C8B: variants seen among roughly 807,000 people sequenced by gnomAD.
C8B encodes the protein complement component C8 beta chain.
Under a neutral mutation model 64.6 loss-of-function variants are expected in C8B, and 67 were observed. That is an observed-to-expected ratio of 1.04 (90% confidence interval 0.85 to 1.27). The LOEUF is 1.27. Among genes scored for constraint, C8B ranks in the 50% most tolerant of loss-of-function variants. The pLI is 0.00. For synonymous variants in C8B, 284 were observed against 257.7 expected (o/e 1.10, Z -0.98); for missense variants, 790 against 725.2 (o/e 1.09, Z -1.03).
intron 1 of C8B, among the ~76,000 whole-genome samples, chr1:56,965,398 A>AGAGAGGGTGTGTGT (rs1553120321): frequency 7.0e-6 from 1 of 142,578 alleles, no homozygotes; most frequent in Non-Finnish European, 1.5e-5. Flanking sequence ...AGAGAGAGAG[A>AGAGAGGGTGTGTGT]GTGTGTGTGT....
chr1:56,933,463 G>C lies in C8B; in HGVS notation c.1424C>G (p.Thr475Arg), dbSNP rs770783602. ...VKVEPLYELV[T>R]ATDFAYSSTV... ...GCTGGAATAGGCAAAATCTGTGGCT[G>C]TCACTAGTTCATACAGAGGCTCCAC... Residue 475 changes from threonine to arginine, a missense_variant, in exon 10 of 12, where the codon ACA becomes AGA. Transcript: ENST00000371237. 2 of 1,613,878 alleles carry C rather than the reference G, an allele frequency of 1.2e-6. No homozygotes were observed. Among genetic ancestry groups the C allele is most frequent in the South Asian group, 1.1e-5 (1 of 91,082 alleles).
Position 56,931,848 on chromosome 1 carries a change from C to A in C8B, c.1583G>T (p.Gly528Val), listed in dbSNP as rs767092769. 6.2e-7 allele frequency: 1 copy of A among 1,612,498 alleles called. No homozygotes were observed. The highest frequency in any genetic ancestry group is 8.5e-7 in the Non-Finnish European group (1 of 1,179,228). Reference sequence around the variant, plus strand: ...GACCTCACAGGCTAGGCCTTGGGATCCAACAGGACAGATGCAGTCACAGCG... The same window carrying A: ...GACCTCACAGGCTAGGCCTTGGGATACAACAGGACAGATGCAGTCACAGCG... ...GSRCDCICPV[G>V]SQGLACEVSY... Residue 528 changes from glycine (G) to valine (V), a missense_variant, in exon 11 of 12, where the codon GGA becomes GTA. By Grantham distance (109) the Gly-to-Val change is moderately radical. Coordinates refer to ENST00000371237, the MANE Select transcript of C8B (RefSeq NM_000066.4).
chr1:56,931,449 T>C (rs1405529769), intron 11 of C8B: 5 of 333,146 alleles, frequency 1.5e-5, no homozygotes, highest in African/African-American at 8.6e-5. Flanking sequence ...TCTTTGGGGA[T>C]TAGAGGAATT....
intron 3 of C8B, among the ~76,000 whole-genome samples, chr1:56,955,181 A>C (rs113496291): frequency 1.4e-3 from 216 of 152,322 alleles, no homozygotes; most frequent in African/African-American, 4.8e-3. Context: ...ACTCACCTGT[A>C]AAATAGGAAA....
At chr1:56,946,608 C>T (rs773784191) in intron 6 of C8B, among the ~76,000 whole-genome samples, 3 of 152,314 alleles carry the variant, frequency 2.0e-5, no homozygotes, top group Middle Eastern at 3.4e-3. Flanking sequence ...TGGTGTCACA[C>T]TCCAATGGCA....
chr1:56,953,525 G>T (rs1645056571), intron 4 of C8B, among the ~76,000 whole-genome samples: 1 of 152,158 alleles, frequency 6.6e-6, no homozygotes, highest in South Asian at 2.1e-4. Context: ...TCCCTGCCGG[G>T]AACAATGGGT....
chr1:56,955,910 A>T (rs1168666027), intron 3 of C8B, among the ~76,000 whole-genome samples: 1 of 152,198 alleles, frequency 6.6e-6, no homozygotes, highest in Non-Finnish European at 1.5e-5. Context: ...GAAATAGAGA[A>T]CCATCTGTTT....
intron 6 of C8B, among the ~76,000 whole-genome samples, chr1:56,947,661 G>A (rs1644960786): frequency 6.6e-6 from 1 of 152,156 alleles, no homozygotes; most frequent in Admixed American, 6.5e-5. Context: ...GCCGGGAGTG[G>A]TGGCTCACAC....
At position 56,952,124 on chromosome 1, in the gene C8B, G is replaced by T. The variant is rs1201663142; in HGVS notation, c.590C>A (p.Ala197Glu). 1.2e-6 allele frequency: 2 copies of T among 1,614,138 alleles called. No individual in the cohort carries two copies. Among genetic ancestry groups the T allele is most frequent in the South Asian group, 2.2e-5 (2 of 91,078 alleles). The change falls in exon 5 of 12, where the codon GCA becomes GAA. Residue 197 changes from alanine (A) to glutamate (E), a missense_variant. By Grantham distance (107) the Ala-to-Glu change is moderately radical. Coordinates refer to ENST00000371237, the MANE Select transcript of C8B (RefSeq NM_000066.4). Reference sequence around the variant, plus strand: ...GATGTAATGCGGGGAGCATCCACCTGCATAATACCTGTGATCAAGAACTGG... The same window carrying T: ...GATGTAATGCGGGGAGCATCCACCTTCATAATACCTGTGATCAAGAACTGG... The part of the protein sequence containing the change: ...EGPVLDHRYY[A>E]GGCSPHYILN...
intron 1 of C8B, among the ~76,000 whole-genome samples, chr1:56,961,277 T>C (rs12092641): frequency 0.053 from 8,122 of 152,266 alleles, 196 homozygotes; most frequent in Middle Eastern, 0.071. Context: ...CAAAAAGAGA[T>C]GGGAAGACAA....
intron 11 of C8B, among the ~76,000 whole-genome samples, chr1:56,930,537 T>A (rs1432869880): frequency 4.6e-5 from 7 of 152,074 alleles, no homozygotes; most frequent in Non-Finnish European, 5.9e-5. Flanking sequence ...ATGGTTGAGG[T>A]GCAAGATGAG....
rs562696863 is a variant in C8B at position 56,952,211 on chromosome 1, G to C, written c.534-31C>G. Reference sequence around the variant, plus strand: ...AGGAAGAGACAGAGATGGCGAAGAGGTTAAAGTTTGCGGTTGCTTAATCTT... The same window carrying C: ...AGGAAGAGACAGAGATGGCGAAGAGCTTAAAGTTTGCGGTTGCTTAATCTT... On this transcript the variant is annotated intron_variant, in intron 4 of 11. Transcript: ENST00000371237. 5 of 1,613,314 alleles carry C rather than the reference G, an allele frequency of 3.1e-6. No homozygotes were observed. The African/African-American group carries it at 6.7e-5, about 21-fold the overall frequency.
At chr1:56,934,811 G>T (rs1052587578) in intron 9 of C8B, among the ~76,000 whole-genome samples, 1 of 152,128 alleles carries the variant, frequency 6.6e-6, no homozygotes, top group Non-Finnish European at 1.5e-5. Flanking sequence ...AGTTTGGAGA[G>T]AGAAAGAGGG....
chr1:56,929,375 T>C lies in C8B; in HGVS notation c.*29A>G, dbSNP rs771909615. 9 of 1,610,792 alleles carry C rather than the reference T, an allele frequency of 5.6e-6. No individual in the cohort carries two copies. Among genetic ancestry groups the C allele is most frequent in the South Asian group, 4.4e-5 (4 of 90,992 alleles). ...AGTTCTTGAGGGCTCAGGGCTCTCA[T>C]TGTATGTAGCCCACTGCTGTATCAT... On this transcript the variant is annotated 3_prime_UTR_variant, in exon 12 of 12. Coordinates refer to ENST00000371237, the MANE Select transcript of C8B (RefSeq NM_000066.4).
At chr1:56,963,839 G>A (rs1645213600) in intron 1 of C8B, 1 of 984,442 alleles carries the variant, frequency 1.0e-6, no homozygotes, top group African/African-American at 1.7e-5. Flanking sequence ...ATACATAATA[G>A]GTCTTACGAC....
intron 9 of C8B, among the ~76,000 whole-genome samples, chr1:56,937,927 T>G (rs942246071): frequency 6.6e-6 from 1 of 152,232 alleles, no homozygotes; most frequent in Non-Finnish European, 1.5e-5. Flanking sequence ...CTTCAAGCAT[T>G]TCACACTGCA....
intron 7 of C8B, among the ~76,000 whole-genome samples, chr1:56,944,870 C>A (rs1442413823): frequency 2.0e-5 from 3 of 152,144 alleles, no homozygotes; most frequent in Non-Finnish European, 4.4e-5. Context: ...ATCTGTGTGA[C>A]CTACAGCCAT....
At chr1:56,956,712 T>C (rs934988680) in intron 3 of C8B, 57 bp downstream of exon 3, 2 of 1,599,264 alleles carry the variant, frequency 1.3e-6, no homozygotes, top group South Asian at 2.2e-5. Flanking sequence ...CCCTTGGTCA[T>C]CAAGAACCAT....
At chr1:56,943,667 T>C (rs1192073622) in intron 8 of C8B, 29 bp downstream of exon 8, 2 of 1,613,470 alleles carry the variant, frequency 1.2e-6, no homozygotes, top group East Asian at 2.2e-5. Flanking sequence ...ACATTATAAG[T>C]GTGGAAGTCA....
Sources: allele counts gnomAD v4.1 joint callset (sites outside exome capture counted in the v4.1 genomes callset), GRCh38; gene constraint gnomAD v4.1.1; transcripts MANE v1.5; gene names NCBI Gene and HGNC (gene_info 2026-07-23, HGNC 2026-07-21).